CACNA2D3: variants seen among roughly 807,000 people sequenced by gnomAD.
CACNA2D3 encodes the protein calcium voltage-gated channel auxiliary subunit alpha2delta 3, also known as voltage-dependent calcium channel subunit alpha-2/delta-3.
A neutral mutation model predicts 160.6 loss-of-function variants in CACNA2D3; 60 were observed. The observed-to-expected ratio is 0.37, with a 90% confidence interval of 0.30 to 0.46. The LOEUF is 0.46. Ranked by LOEUF, CACNA2D3 falls within the 20% of genes least tolerant of loss-of-function variation. CACNA2D3 has a pLI of 1.00. For missense variants in CACNA2D3, 1,205 were observed against 1,365.0 expected (o/e 0.88, Z 1.85); for synonymous variants, 558 against 492.9 (o/e 1.13, Z -1.75).
intron 2 of CACNA2D3, among the ~76,000 whole-genome samples, chr3:54,184,474 T>C (rs1397763577): frequency 6.6e-6 from 1 of 152,204 alleles, no homozygotes; most frequent in Non-Finnish European, 1.5e-5. Flanking sequence ...AGTCCTGAGG[T>C]CTGGGTTTGA....
intron 13 of CACNA2D3, among the ~76,000 whole-genome samples, chr3:54,777,693 C>G (rs1439374009): frequency 6.6e-6 from 1 of 152,170 alleles, no homozygotes; most frequent in East Asian, 1.9e-4. Context: ...TAGTCTGTTT[C>G]TCTGTCACTT....
intron 10 of CACNA2D3, among the ~76,000 whole-genome samples, chr3:54,631,203 A>AACACACACACACACACACACACACAC (rs67944483): frequency 1.5e-4 from 22 of 145,876 alleles, no homozygotes; most frequent in African/African-American, 4.6e-4. Context: ...GACTCCATCA[A>AACACACACACACACACACACACACAC]ACACACACAC....
intron 11 of CACNA2D3, among the ~76,000 whole-genome samples, chr3:54,715,981 C>G (rs1223825019): frequency 6.6e-6 from 1 of 152,098 alleles, no homozygotes; most frequent in Non-Finnish European, 1.5e-5. Context: ...TAATATACAG[C>G]AGGGATGGCG....
At chr3:54,320,412 T>A (rs1349204770) in intron 2 of CACNA2D3, 30 bp from the exon 3 acceptor site, 1 of 1,124,840 alleles carries the variant, frequency 8.9e-7, no homozygotes, top group Admixed American at 2.2e-5. Context: ...CGGTGTCATG[T>A]GTCTTGAATG....
chr3:54,624,052 G>T (rs565684733), intron 9 of CACNA2D3, among the ~76,000 whole-genome samples: 3 of 152,026 alleles, frequency 2.0e-5, no homozygotes, highest in Non-Finnish European at 4.4e-5. Context: ...AGAGAGGAGG[G>T]AGAAACAAAC....
At chr3:54,487,475 A>C (rs1255466187) in intron 4 of CACNA2D3, among the ~76,000 whole-genome samples, 1 of 152,192 alleles carries the variant, frequency 6.6e-6, no homozygotes, top group East Asian at 1.9e-4. Context: ...CCTGGAGTGG[A>C]GACTTCTGCT....
chr3:54,526,771 A>T (rs539499554), intron 5 of CACNA2D3, among the ~76,000 whole-genome samples: 1 of 151,886 alleles, frequency 6.6e-6, no homozygotes, highest in South Asian at 2.1e-4. Flanking sequence ...GCTCACTGCA[A>T]CCTCCACCTC....
intron 3 of CACNA2D3, among the ~76,000 whole-genome samples, chr3:54,373,188 A>G (rs1034630186): frequency 1.3e-5 from 2 of 152,214 alleles, no homozygotes; most frequent in East Asian, 3.9e-4. Context: ...ATTAATCGAA[A>G]CCAGGGACTT....
intron 2 of CACNA2D3, among the ~76,000 whole-genome samples, chr3:54,302,320 G>A (rs755558820): frequency 2.0e-5 from 3 of 152,212 alleles, no homozygotes; most frequent in Non-Finnish European, 4.4e-5. Flanking sequence ...GATTGAAGAT[G>A]TGGAAGTGGT....
intron 35 of CACNA2D3, among the ~76,000 whole-genome samples, chr3:55,071,753 A>G (rs1704816190): frequency 1.3e-5 from 2 of 151,992 alleles, no homozygotes; most frequent in Admixed American, 1.3e-4. Flanking sequence ...TGCAAGAAAT[A>G]TTTTCTCCTT....
intron 2 of CACNA2D3, among the ~76,000 whole-genome samples, chr3:54,184,974 G>A (rs1010120668): frequency 3.9e-5 from 6 of 152,210 alleles, no homozygotes; most frequent in Non-Finnish European, 5.9e-5. Context: ...TTCATTTGGC[G>A]TTGTGTGACT....
intron 2 of CACNA2D3, among the ~76,000 whole-genome samples, chr3:54,264,154 G>A (rs1171965649): frequency 6.6e-6 from 1 of 152,110 alleles, no homozygotes; most frequent in African/African-American, 2.4e-5. Flanking sequence ...ATCGGCTCTG[G>A]TGCCCACCCA....
intron 12 of CACNA2D3, among the ~76,000 whole-genome samples, chr3:54,762,852 G>C (rs1283548677): frequency 6.6e-6 from 1 of 152,184 alleles, no homozygotes; most frequent in African/African-American, 2.4e-5. Flanking sequence ...AGCACTTTGG[G>C]AGGCCGAGGC....
rs751213857 is a variant in CACNA2D3, at chr3:54,246,724, C to CAAAAA, written c.205-73715_205-73711dup. Among the ~76,000 whole-genome samples the CAAAAA allele has an allele frequency of 1.4e-4, 20 of 147,818 alleles. No homozygotes were observed. The East Asian group carries it at 2.0e-3, about 15-fold the overall frequency. On this transcript the variant is annotated intron_variant, in intron 2 of 37. Coordinates refer to ENST00000474759, the MANE Select transcript of CACNA2D3 (RefSeq NM_018398.3). ...GGGCAACAGGAGAGAAACTCCATCTCAAAAAAACAAAAAAAAGAGCCAGAA... is the reference window on the plus strand; with the variant it reads ...GGGCAACAGGAGAGAAACTCCATCTCAAAAAAAAAAAACAAAAAAAAGAGCCAGAA...
At chr3:54,784,378 G>A (rs1358313930) in intron 13 of CACNA2D3, among the ~76,000 whole-genome samples, 1 of 152,124 alleles carries the variant, frequency 6.6e-6, no homozygotes, top group Non-Finnish European at 1.5e-5. Flanking sequence ...CCTCTGGTCT[G>A]AACTTTTGTA....
chr3:54,308,718 T>C (rs977657913), intron 2 of CACNA2D3, among the ~76,000 whole-genome samples: 3 of 152,188 alleles, frequency 2.0e-5, no homozygotes, highest in African/African-American at 7.2e-5. Flanking sequence ...CTTAGTTACC[T>C]AACCTATAAA....
chr3:54,432,553 A>G (rs1575451529), intron 4 of CACNA2D3, among the ~76,000 whole-genome samples: 1 of 152,160 alleles, frequency 6.6e-6, no homozygotes, highest in Admixed American at 6.5e-5. Context: ...AAGTACTGAC[A>G]TCGCATTCTA....
At chr3:54,316,076 G>GGT (rs10543331) in intron 2 of CACNA2D3, among the ~76,000 whole-genome samples, 33 of 150,786 alleles carry the variant, frequency 2.2e-4, no homozygotes, top group South Asian at 6.3e-4. Flanking sequence ...CTCCTAGCAG[G>GGT]GTGTGTGTGT....
At chr3:54,541,278 G>GAAAAAAAA (rs141900915) in intron 5 of CACNA2D3, among the ~76,000 whole-genome samples, 101 of 81,578 alleles carry the variant, frequency 1.2e-3, no homozygotes, top group South Asian at 1.5e-3. Context: ...CTCCGTCTCA[G>GAAAAAAAA]AAAAAAAAAA....
Sources: gnomAD v4.1 joint callset for allele counts (sites outside exome capture counted in the v4.1 genomes callset) on GRCh38, gnomAD v4.1.1 for gene constraint, MANE v1.5 for transcripts, NCBI Gene and HGNC (gene_info 2026-07-23, HGNC 2026-07-21) for gene names.